Variants in RPS6KB1 observed in about 807,000 individuals in gnomAD.
The protein encoded by RPS6KB1 is ribosomal protein S6 kinase beta-1.
A neutral mutation model predicts 70.2 loss-of-function variants in RPS6KB1; 12 were observed. That is an observed-to-expected ratio of 0.17 (90% confidence interval 0.11 to 0.28). The LOEUF is 0.28. RPS6KB1 is among the 10% of genes least tolerant of loss of function. The pLI is 1.00. For missense variants in RPS6KB1, 270 were observed against 646.6 expected (o/e 0.42, Z 6.32); for synonymous variants, 175 against 211.2 (o/e 0.83, Z 1.49).
In RPS6KB1 at chr17:59,948,218, C is replaced by T. The variant is rs980558307; in HGVS notation, c.*1430C>T. On this transcript the variant is annotated 3_prime_UTR_variant, in exon 15 of 15. Transcript: ENST00000225577. ...TGCCTTAAAGAGAGCATTTCCATGACTTTAGCTGGTGAAAGGGTTTAATAT... is the reference window on the plus strand; with the variant it reads ...TGCCTTAAAGAGAGCATTTCCATGATTTTAGCTGGTGAAAGGGTTTAATAT... 1 of 152,570 alleles carries T rather than the reference C, an allele frequency of 6.6e-6. No homozygotes were observed. The highest frequency in any genetic ancestry group is 2.4e-5 in the African/African-American group (1 of 41,410). 9.5% of individuals were successfully genotyped at this position (152,570 alleles called of 1,614,324 possible).
intron 9 of RPS6KB1, 64 bp from the exon 10 acceptor site, chr17:59,935,129 T>A: frequency 1.1e-6 from 1 of 914,574 alleles, no homozygotes; most frequent in South Asian, 1.5e-5. Flanking sequence ...ATTCAAAATT[T>A]GTTTCTTATA....
intron 1 of RPS6KB1, among the ~76,000 whole-genome samples, chr17:59,903,757 C>G (rs908990851): frequency 6.6e-6 from 1 of 152,112 alleles, no homozygotes; most frequent in Non-Finnish European, 1.5e-5. Flanking sequence ...AGTAGTTTCT[C>G]AGTGTGGTTT....
rs1012941032 is a variant in RPS6KB1 at position 59,912,596 on chromosome 17, A to G, written c.192-88A>G. On this transcript the variant is annotated intron_variant, in intron 2 of 14. Transcript: ENST00000225577. ...TTTTTTACTTTTACTTACTTAGATT[A>G]CATTTCTCTGTCTCCTTTTTCTTGA... The G allele has an allele frequency of 4.4e-6, 6 of 1,363,208 alleles. No individual in the cohort carries two copies. In the African/African-American group the frequency reaches 8.7e-5, roughly 20 times the overall value. The allele number at this position is 1,363,208 out of a possible 1,614,324, so 84.4% of individuals were successfully genotyped here.
At chr17:59,898,307 T>C (rs2041689686) in intron 1 of RPS6KB1, among the ~76,000 whole-genome samples, 1 of 152,128 alleles carries the variant, frequency 6.6e-6, no homozygotes, top group Admixed American at 6.6e-5. Flanking sequence ...AGATTTTTAT[T>C]GAGTAAAAGG....
At chr17:59,902,602 G>C (rs561843512) in intron 1 of RPS6KB1, among the ~76,000 whole-genome samples, 1 of 145,092 alleles carries the variant, frequency 6.9e-6, no homozygotes, top group South Asian at 2.2e-4. Flanking sequence ...TTTGGAGATA[G>C]GGTCTCACTC....
intron 5 of RPS6KB1, among the ~76,000 whole-genome samples, chr17:59,927,456 A>G (rs1372055660): frequency 6.6e-6 from 1 of 152,158 alleles, no homozygotes; most frequent in Non-Finnish European, 1.5e-5. Context: ...AACATGGAAC[A>G]GAAAGCTACA....
intron 6 of RPS6KB1, 44 bp downstream of exon 6, chr17:59,930,218 G>C (rs749504124): frequency 1.8e-6 from 2 of 1,088,580 alleles, no homozygotes; most frequent in Non-Finnish European, 2.9e-6. Context: ...GTAATTACAA[G>C]CAAAGCCCCA....
rs1050373280 is a variant in RPS6KB1 at position 59,926,730 on chromosome 17, G to C, written c.529+148G>C. On this transcript the variant is annotated intron_variant, in intron 5 of 14. Transcript: ENST00000225577. ...ACACTGAAGTACAAAATTCAGATGT[G>C]ACCAAATGTTTCTATTGGCAGACAA... The C allele has an allele frequency of 9.0e-6, 5 of 556,640 alleles. No homozygotes were observed. The African/African-American group carries it at 9.8e-5, about 11-fold the overall frequency. 34.5% of individuals were successfully genotyped at this position (556,640 alleles called of 1,614,324 possible).
intron 1 of RPS6KB1, among the ~76,000 whole-genome samples, chr17:59,908,354 G>A (rs982128827): frequency 3.3e-5 from 5 of 151,590 alleles, no homozygotes; most frequent in African/African-American, 4.8e-5. Context: ...CACCACGCCT[G>A]GCTAATTTTT....
chr17:59,893,690 T>C lies in RPS6KB1; in HGVS notation c.141+365T>C, dbSNP rs1164683969. The C allele has an allele frequency of 1.3e-6, 1 of 784,904 alleles. No individual in the cohort carries two copies. The highest frequency in any genetic ancestry group is 1.9e-5 in the African/African-American group (1 of 53,914). 48.6% of individuals were successfully genotyped at this position (784,904 alleles called of 1,614,324 possible). ...CTGCTCTTGCTGGGTGTCCCGTAAG[T>C]GCAGGCGAAGTGTGGAGGGTTTCCC... On this transcript the variant is annotated intron_variant, in intron 1 of 14. Transcript: ENST00000225577. The surrounding 1 kb of genome is among the most constrained non-coding windows in gnomAD (Gnocchi z 4.1).
intron 13 of RPS6KB1, among the ~76,000 whole-genome samples, chr17:59,941,673 C>T (rs1264311960): frequency 6.8e-6 from 1 of 146,568 alleles, no homozygotes. Flanking sequence ...CTTGCTCTGT[C>T]ACCAGGTTGG....
chr17:59,948,950 C>G lies in RPS6KB1; in HGVS notation c.*2162C>G, dbSNP rs1407427617. 2 of 152,510 alleles carry G rather than the reference C, an allele frequency of 1.3e-5. No individual in the cohort carries two copies. Among genetic ancestry groups the G allele is most frequent in the African/African-American group, 2.4e-5 (1 of 41,428 alleles). 9.4% of individuals were successfully genotyped at this position (152,510 alleles called of 1,614,324 possible). On this transcript the variant is annotated 3_prime_UTR_variant, in exon 15 of 15. Transcript: ENST00000225577. ...GTAGTGTTGACTGCCTGACCAAATTCCAGTGAAACTTATACACCAAAATAT... is the reference window on the plus strand; with the variant it reads ...GTAGTGTTGACTGCCTGACCAAATTGCAGTGAAACTTATACACCAAAATAT...
chr17:59,911,443 C>G (rs560987805), intron 2 of RPS6KB1, among the ~76,000 whole-genome samples: 1 of 152,034 alleles, frequency 6.6e-6, no homozygotes, highest in Non-Finnish European at 1.5e-5. Context: ...TCACCACAAC[C>G]TCCACCTCCT....
chr17:59,936,673 C>G, intron 12 of RPS6KB1, 132 bp downstream of exon 12: 1 of 720,660 alleles, frequency 1.4e-6, no homozygotes, highest in Non-Finnish European at 2.4e-6. Context: ...TAACAAGACT[C>G]CATATCTACA....
chr17:59,902,703 T>C (rs962569406), intron 1 of RPS6KB1, among the ~76,000 whole-genome samples: 3 of 151,526 alleles, frequency 2.0e-5, no homozygotes, highest in Admixed American at 6.6e-5. Context: ...CAGTCTCTCA[T>C]GTAGCTGGGA....
At chr17:59,907,965 G>C (rs2042368134) in intron 1 of RPS6KB1, among the ~76,000 whole-genome samples, 1 of 151,988 alleles carries the variant, frequency 6.6e-6, no homozygotes, top group African/African-American at 2.4e-5. Flanking sequence ...GAATAAATGT[G>C]TGGCCAGCAT....
chr17:59,939,808 A>G (rs1478811388), intron 12 of RPS6KB1, among the ~76,000 whole-genome samples: 2 of 152,196 alleles, frequency 1.3e-5, no homozygotes, highest in African/African-American at 4.8e-5. Context: ...TCTGGGCTCT[A>G]AGAGAATTAT....
At chr17:59,895,854 A>T (rs2041522366) in intron 1 of RPS6KB1, among the ~76,000 whole-genome samples, 1 of 151,572 alleles carries the variant, frequency 6.6e-6, no homozygotes, top group Non-Finnish European at 1.5e-5. Flanking sequence ...GGTGGGCCTG[A>T]ACTCCTGAGC....
intron 1 of RPS6KB1, among the ~76,000 whole-genome samples, chr17:59,909,174 C>T (rs1297914581): frequency 1.9e-4 from 28 of 147,482 alleles, no homozygotes; most frequent in South Asian, 6.5e-4. Flanking sequence ...GTGATCTGCC[C>T]GCCTCGGCCT....
Sources: allele counts gnomAD v4.1 joint callset (sites outside exome capture counted in the v4.1 genomes callset), GRCh38; gene constraint gnomAD v4.1.1; non-coding constraint Gnocchi (gnomAD v3.1); transcripts MANE v1.5; gene names NCBI Gene and HGNC (gene_info 2026-07-23, HGNC 2026-07-21).